ARID5B: variants seen among roughly 807,000 people sequenced by gnomAD.
ARID5B encodes AT-rich interaction domain 5B.
In ARID5B, 13 loss-of-function variants were observed where a neutral mutation model predicts 97.2. The observed-to-expected ratio is 0.13, with a 90% CI of 0.09 to 0.21. ARID5B has a LOEUF of 0.21. ARID5B is among the 10% of genes least tolerant of loss of function. The pLI is 1.00. For missense variants in ARID5B, 1,210 were observed against 1,465.3 expected (o/e 0.83, Z 2.84); for synonymous variants, 556 against 570.3 (o/e 0.97, Z 0.36).
chr10:61,957,328 G>A (rs1226354829), intron 3 of ARID5B, among the ~76,000 whole-genome samples: 1 of 152,168 alleles, frequency 6.6e-6, no homozygotes, highest in Non-Finnish European at 1.5e-5. Context: ...GAGTGCAGTG[G>A]TGCGATCTCG....
Position 62,000,428 on chromosome 10 carries a change from C to T in ARID5B, c.733+107C>T. On this transcript the variant is annotated intron_variant, in intron 4 of 9. Coordinates refer to ENST00000279873, the MANE Select transcript of ARID5B (RefSeq NM_032199.3). This position sits in a 1 kb window ranked among gnomAD's most constrained non-coding sequence, Gnocchi z 4.4. ...GGGAACGGGGCTCACTTTCACAAGC[C>T]CCATGTGCTGCCCCACCCCTCCCAT... 9.4e-7 allele frequency: 1 copy of T among 1,060,378 alleles called. No individual in the cohort carries two copies. The allele number at this position is 1,060,378 out of a possible 1,614,324, so 65.7% of individuals were successfully genotyped here.
chr10:61,901,741 C>G lies in ARID5B; in HGVS notation c.21+11C>G, dbSNP rs1237110083. ...CCCAACTCACTCCAGGTATTTCGCT[C>G]TCCTCCGCTCCTCCGATCCCGGCAC... On this transcript the variant is annotated intron_variant, in intron 1 of 9. Transcript: ENST00000279873. 1 of 1,613,384 alleles carries G rather than the reference C, an allele frequency of 6.2e-7. No homozygotes were observed. Among genetic ancestry groups the G allele is most frequent in the Admixed American group, 1.7e-5 (1 of 60,006 alleles).
chr10:62,085,883 C>T lies in ARID5B; in HGVS notation c.1381C>T (p.Pro461Ser). Residue 461 changes from proline to serine, a missense_variant, in exon 9 of 10, where the codon CCC (proline) becomes TCC (serine). Physicochemically the swap from Pro to Ser is moderately conservative, Grantham distance 74. Around this residue, in one of 8 missense-constraint regions of ARID5B, gnomAD observed 800 missense variants for 839.1 expected, o/e 0.95. Coordinates refer to ENST00000279873, the MANE Select transcript of ARID5B (RefSeq NM_032199.3). ...GAAAGAAAAAGAAAATGCCCCAAAG[C>T]CCCAGGATGCAGCAGAGGTGAGTTG... is the stretch of plus-strand genomic sequence containing the variant. ...SKKEKENAPKPQDAAEVSSEQ... is the reference protein window; with the variant it reads ...SKKEKENAPKSQDAAEVSSEQ... The T allele has an allele frequency of 2.5e-6, 4 of 1,613,040 alleles. No individual in the cohort carries two copies. Among genetic ancestry groups the T allele is most frequent in the Non-Finnish European group, 3.4e-6 (4 of 1,179,868 alleles).
At chr10:61,930,653 G>C (rs1284488728) in intron 2 of ARID5B, among the ~76,000 whole-genome samples, 1 of 151,896 alleles carries the variant, frequency 6.6e-6, no homozygotes, top group Non-Finnish European at 1.5e-5. Context: ...CCGGGAGGCA[G>C]AGCTTGCAGT....
At chr10:62,050,828 TTTAA>T in intron 4 of ARID5B, 56 bp from the exon 5 acceptor site, 1 of 1,432,436 alleles carries the variant, frequency 7.0e-7, no homozygotes, top group Non-Finnish European at 9.8e-7. Context: ...ATTCTGGGTC[TTTAA>T]TAAAGAAACC....
chr10:61,947,261 C>CTTTTTTTTTTTTTTTTTTTTTTTTTTTTT (rs199587188), intron 3 of ARID5B, among the ~76,000 whole-genome samples: 1 of 124,268 alleles, frequency 8.0e-6, no homozygotes, highest in Non-Finnish European at 1.7e-5. Flanking sequence ...CACTTACTTT[C>CTTTTTTTTTTTTTTTTTTTTTTTTTTTTT]TTTTTTTTTT....
chr10:62,039,489 G>T (rs1246693530), intron 4 of ARID5B, among the ~76,000 whole-genome samples: 1 of 152,136 alleles, frequency 6.6e-6, no homozygotes, highest in African/African-American at 2.4e-5. Flanking sequence ...TACCATGTGT[G>T]TGCAGCCTTT....
chr10:62,049,561 G>T (rs1839757797), intron 4 of ARID5B: 2 of 1,541,160 alleles, frequency 1.3e-6, no homozygotes, highest in African/African-American at 2.7e-5. Flanking sequence ...GGCTTTCTGG[G>T]ATGGACTTTC....
chr10:62,083,166 G>C (rs1454799753), intron 8 of ARID5B, among the ~76,000 whole-genome samples: 2 of 151,500 alleles, frequency 1.3e-5, no homozygotes, highest in East Asian at 3.9e-4. Flanking sequence ...CCTCTTTCCA[G>C]ATACAAGAAA....
intron 4 of ARID5B, among the ~76,000 whole-genome samples, chr10:62,042,878 G>A (rs1323061372): frequency 1.4e-5 from 2 of 145,218 alleles, no homozygotes; most frequent in Non-Finnish European, 3.0e-5. Flanking sequence ...TCGCGTCACT[G>A]CATTCCAACC....
chr10:61,955,124 A>G (rs180865915), intron 3 of ARID5B, among the ~76,000 whole-genome samples: 2 of 152,342 alleles, frequency 1.3e-5, no homozygotes, highest in East Asian at 1.9e-4. Context: ...TAGTAGCAAC[A>G]TTTCTAAAAC....
intron 2 of ARID5B, among the ~76,000 whole-genome samples, chr10:61,902,703 A>ATGTG (rs3834903): frequency 3.5e-5 from 4 of 113,384 alleles, no homozygotes; most frequent in Non-Finnish European, 8.4e-5. Flanking sequence ...GTGTGTGTGT[A>ATGTG]TGTGTGTGTG....
intron 2 of ARID5B, among the ~76,000 whole-genome samples, chr10:61,905,151 G>T (rs954248035): frequency 6.6e-5 from 10 of 152,188 alleles, no homozygotes; most frequent in Admixed American, 2.6e-4. Context: ...GAAAGAGAAA[G>T]GTTTCTTGGT....
intron 3 of ARID5B, among the ~76,000 whole-genome samples, chr10:61,953,248 C>T (rs548788934): frequency 3.0e-4 from 46 of 152,292 alleles, no homozygotes; most frequent in Middle Eastern, 3.4e-3. Flanking sequence ...ATGCTTCATG[C>T]CTGGCCTATT....
chr10:62,061,686 C>T (rs546449051), intron 7 of ARID5B, among the ~76,000 whole-genome samples: 2 of 152,310 alleles, frequency 1.3e-5, no homozygotes, highest in South Asian at 4.1e-4. Context: ...CTTTCTGGTA[C>T]TGTGTGGGCG....
intron 3 of ARID5B, among the ~76,000 whole-genome samples, chr10:61,951,216 A>AGTGG (rs1442572589): frequency 2.6e-5 from 4 of 152,232 alleles, no homozygotes; most frequent in African/African-American, 9.6e-5. Flanking sequence ...CTGGAATAAT[A>AGTGG]GTGGGTTTTC....
intron 3 of ARID5B, among the ~76,000 whole-genome samples, chr10:61,950,772 A>G (rs1838312660): frequency 6.6e-6 from 1 of 152,182 alleles, no homozygotes; most frequent in African/African-American, 2.4e-5. Context: ...TGATGCTTTT[A>G]TTTTGTCATA....
chr10:62,087,432 C>T (rs1564648546), intron 9 of ARID5B, among the ~76,000 whole-genome samples: 1 of 150,254 alleles, frequency 6.7e-6, no homozygotes, highest in Non-Finnish European at 1.5e-5. Flanking sequence ...AAGCCCCCAA[C>T]AGCCTTTTGG....
intron 8 of ARID5B, 68 bp downstream of exon 8, chr10:62,069,865 A>G: frequency 6.7e-7 from 1 of 1,502,888 alleles, no homozygotes; most frequent in Non-Finnish European, 9.2e-7. Flanking sequence ...CTGGTCAAGG[A>G]TAAGACAGAG....
Sources: gnomAD v4.1 joint callset for allele counts (sites outside exome capture counted in the v4.1 genomes callset) on GRCh38, gnomAD v4.1.1 for gene constraint, gnomAD v4.1.1 regional missense constraint, Gnocchi (gnomAD v3.1) non-coding constraint, MANE v1.5 for transcripts, NCBI Gene and HGNC (gene_info 2026-07-23, HGNC 2026-07-21) for gene names.